VPS33B: variants seen among roughly 807,000 people sequenced by gnomAD.
VPS33B encodes vacuolar protein sorting-associated protein 33B.
In VPS33B, 80 loss-of-function variants were observed where a neutral mutation model predicts 95.3. That is an observed-to-expected ratio of 0.84 (90% CI 0.70 to 1.01). VPS33B has a LOEUF of 1.01. Among genes scored for constraint, VPS33B ranks in the 50% least tolerant of loss-of-function variants. The pLI, the probability that VPS33B is intolerant of heterozygous loss-of-function variation, is 0.00. For missense variants in VPS33B, 715 were observed against 773.4 expected, an observed-to-expected ratio of 0.92 and a Z score of 0.90; for synonymous variants, 280 against 280.4, an observed-to-expected ratio of 1.00 and a Z score of 0.01.
chr15:91,006,784 G>C lies in VPS33B; in HGVS notation c.701-55C>G. Reference sequence around the variant, plus strand: ...TCTCCCTGACCCAGCCTTCTACACAGCATGTCCAAGGGCAGCTTTGATACT... The same window carrying C: ...TCTCCCTGACCCAGCCTTCTACACACCATGTCCAAGGGCAGCTTTGATACT... On this transcript the variant is annotated intron_variant, in intron 9 of 22. Transcript: ENST00000333371. This position sits in a 1 kb window ranked among gnomAD's most constrained non-coding sequence, Gnocchi z 5.4. 6.2e-7 allele frequency: 1 copy of C among 1,605,988 alleles called. No homozygotes were observed.
In VPS33B at chr15:91,000,513, G is replaced by C. The variant is rs781683489; in HGVS notation, c.1558C>G (p.Leu520Val). The part of the protein sequence containing the change: ...AYVFGGAYVP[L>V]SCRIIEQVLE... ...ACCTGCTCAATGATTCGGCAGCTCA[G>C]GGGCACATAAGCACCACCGAAGACG... Residue 520 changes from leucine to valine, a missense_variant, in exon 20 of 23, where the codon CTG becomes GTG. Physicochemically the swap from Leu to Val is conservative, Grantham distance 32. Coordinates refer to ENST00000333371, the MANE Select transcript of VPS33B (RefSeq NM_018668.5). The surrounding 1 kb of genome is among the most constrained non-coding windows in gnomAD (Gnocchi z 4.9). The C allele has an allele frequency of 3.7e-6, 6 of 1,613,420 alleles. No homozygotes were observed. In the South Asian group the frequency reaches 6.6e-5, roughly 18 times the overall value.
intron 17 of VPS33B, 23 bp downstream of exon 17, chr15:91,003,062 A>G (rs766202258): frequency 1.2e-6 from 2 of 1,613,938 alleles, no homozygotes; most frequent in Non-Finnish European, 1.7e-6. Flanking sequence ...AGTTCCCTCA[A>G]GAATACATTC....
Position 91,022,314 on chromosome 15 carries a change from C to T in VPS33B, c.-65G>A. The T allele has an allele frequency of 6.8e-7, 1 of 1,478,910 alleles. No homozygotes were observed. Among genetic ancestry groups the T allele is most frequent in the East Asian group, 2.5e-5 (1 of 40,110 alleles). The allele number at this position is 1,478,910 out of a possible 1,614,324, so 91.6% of individuals were successfully genotyped here. ...TCGTTCTGAGAAGGCCGGCCGCAGC[C>T]CAGGGAAGCGCAAGGGGGGCTATCC... On this transcript the variant is annotated 5_prime_UTR_variant, in exon 1 of 23. Coordinates refer to ENST00000333371, the MANE Select transcript of VPS33B (RefSeq NM_018668.5).
In VPS33B at chr15:90,999,511, G is replaced by A. The variant is rs545816104; in HGVS notation, c.1774+166C>T. On this transcript the variant is annotated intron_variant, in intron 22 of 22. Coordinates refer to ENST00000333371, the MANE Select transcript of VPS33B (RefSeq NM_018668.5). The surrounding 1 kb of genome is among the most constrained non-coding windows in gnomAD (Gnocchi z 5.1). Reference sequence around the variant, plus strand: ...TTTTTGTATTTTTCGTAGAGATGGGGTTTCACCATGTTGGTCAGGCTAGGC... The same window carrying A: ...TTTTTGTATTTTTCGTAGAGATGGGATTTCACCATGTTGGTCAGGCTAGGC... The A allele has an allele frequency of 5.2e-6, 4 of 768,536 alleles. No homozygotes were observed. Among genetic ancestry groups the A allele is most frequent in the Non-Finnish European group, 9.2e-6 (4 of 435,270 alleles). The allele number at this position is 768,536 out of a possible 1,614,324, so 47.6% of individuals were successfully genotyped here.
chr15:91,007,476 C>G lies in VPS33B; in HGVS notation c.596G>C (p.Cys199Ser), dbSNP rs1370151830. 1.2e-6 allele frequency: 2 copies of G among 1,614,186 alleles called. No homozygotes were observed. Among genetic ancestry groups the G allele is most frequent in the Non-Finnish European group, 1.7e-6 (2 of 1,180,018 alleles). Residue 199 changes from cysteine to serine, a missense_variant, in exon 8 of 23, where the codon TGC becomes TCC. By Grantham distance (112) the Cys-to-Ser change is moderately radical (BLOSUM62 -1). Transcript: ENST00000333371. This position sits in a 1 kb window ranked among gnomAD's most constrained non-coding sequence, Gnocchi z 5.3. ...TACTGCTAGTGCTCTTACCTTGGCG[C>G]ACCTGCCAATTCCATAGCAGTTTGG... ...PFPNCYGIGR[C>S]AKMAYELWRN...
chr15:91,003,129 A>T lies in VPS33B; in HGVS notation c.1228T>A (p.Leu410Met). ...MCLLSITENGLIPKDYRSLKT... is the reference protein window; with the variant it reads ...MCLLSITENGMIPKDYRSLKT... ...AGAGATCGGTAATCCTTGGGGATCA[A>T]ACCTAAGAGTGAAGAAAATAAGACA... Residue 410 changes from leucine to methionine, a missense_variant and splice_region_variant, in exon 17 of 23, where the codon TTG becomes ATG. Leu to Met is a conservative substitution (Grantham distance 15). Coordinates refer to ENST00000333371, the MANE Select transcript of VPS33B (RefSeq NM_018668.5). 1.2e-6 allele frequency: 2 copies of T among 1,614,192 alleles called. No homozygotes were observed. Among genetic ancestry groups the T allele is most frequent in the Non-Finnish European group, 1.7e-6 (2 of 1,180,032 alleles).
rs778897874 is a variant in VPS33B at position 91,006,065 on chromosome 15, A to G, written c.853-6T>C. The G allele has an allele frequency of 6.2e-7, 1 of 1,614,150 alleles. No homozygotes were observed. Among genetic ancestry groups the G allele is most frequent in the Admixed American group, 1.7e-5 (1 of 60,026 alleles). ...TTCCGAATCTCATTAAACACCTGTGAGGACAGTAAGACAAGAACAGCTTAC... is the reference window on the plus strand; with the variant it reads ...TTCCGAATCTCATTAAACACCTGTGGGGACAGTAAGACAAGAACAGCTTAC... On this transcript the variant is annotated splice_region_variant and splice_polypyrimidine_tract_variant and intron_variant, in intron 11 of 22. Transcript: ENST00000333371. The surrounding 1 kb of genome is among the most constrained non-coding windows in gnomAD (Gnocchi z 5.4).
chr15:91,000,594 G>A lies in VPS33B; in HGVS notation c.1480-3C>T, dbSNP rs373949995. The A allele has an allele frequency of 5.6e-6, 9 of 1,611,578 alleles. No homozygotes were observed. Among genetic ancestry groups the A allele is most frequent in the African/African-American group, 5.3e-5 (4 of 74,846 alleles). On this transcript the variant is annotated splice_polypyrimidine_tract_variant and splice_region_variant and intron_variant, in intron 19 of 22. Transcript: ENST00000333371. This position sits in a 1 kb window ranked among gnomAD's most constrained non-coding sequence, Gnocchi z 4.9. Reference sequence around the variant, plus strand: ...TACTCGCCGTCCACACGTGGGATCTGTAAGACAAAGGGACTTCATTAGGCA... The same window carrying A: ...TACTCGCCGTCCACACGTGGGATCTATAAGACAAAGGGACTTCATTAGGCA...
chr15:91,017,088 G>A (rs994239380), intron 2 of VPS33B, 64 bp from the exon 3 acceptor site: 19 of 1,476,014 alleles, frequency 1.3e-5, no homozygotes, highest in South Asian at 2.3e-5. Flanking sequence ...AGTGTGACAC[G>A]AAGATAGGGG....
rs904824277 is a variant in VPS33B at position 91,018,042 on chromosome 15, T to A, written c.97-157A>T. ...CCTTATTTATTATCTGTATCCACAG[T>A]TGACACTTCTCTGTATATTTACCTA... On this transcript the variant is annotated intron_variant, in intron 1 of 22. Transcript: ENST00000333371. This position sits in a 1 kb window ranked among gnomAD's most constrained non-coding sequence, Gnocchi z 4.7. The A allele has an allele frequency of 5.6e-6, 4 of 709,278 alleles. No homozygotes were observed. The highest frequency in any genetic ancestry group is 1.0e-5 in the Non-Finnish European group (4 of 395,892). 43.9% of individuals were successfully genotyped at this position (709,278 alleles called of 1,614,324 possible). A position where few individuals can be genotyped will look rare whatever the true frequency, so the allele number is the denominator to read the frequency against.
chr15:91,009,709 G>C lies in VPS33B; in HGVS notation c.403+92C>G. The C allele has an allele frequency of 7.5e-7, 1 of 1,331,934 alleles. No homozygotes were observed. The highest frequency in any genetic ancestry group is 1.1e-6 in the Non-Finnish European group (1 of 951,190). 82.5% of individuals were successfully genotyped at this position (1,331,934 alleles called of 1,614,324 possible). A position where few individuals can be genotyped will look rare whatever the true frequency, so the allele number is the denominator to read the frequency against. On this transcript the variant is annotated intron_variant, in intron 6 of 22. Transcript: ENST00000333371. This position sits in a 1 kb window ranked among gnomAD's most constrained non-coding sequence, Gnocchi z 4.1. Reference sequence around the variant, plus strand: ...AAGACCAGGAAAAGAAGGAGCTGGTGGTGGGGGTGGGGTGGGGGGGTTGGA... The same window carrying C: ...AAGACCAGGAAAAGAAGGAGCTGGTCGTGGGGGTGGGGTGGGGGGGTTGGA...
At position 91,005,192 on chromosome 15, in the gene VPS33B, G is replaced by C. The variant is rs868461590; in HGVS notation, c.1106-73C>G. Reference sequence around the variant, plus strand: ...CTGCCATCTATGCTAACAGGTGTCTGTCTCCCCATCTCTTTCTCCATCCTT... The same window carrying C: ...CTGCCATCTATGCTAACAGGTGTCTCTCTCCCCATCTCTTTCTCCATCCTT... On this transcript the variant is annotated intron_variant, in intron 14 of 22. Coordinates refer to ENST00000333371, the MANE Select transcript of VPS33B (RefSeq NM_018668.5). The surrounding 1 kb of genome is among the most constrained non-coding windows in gnomAD (Gnocchi z 6.4). 1 of 1,613,374 alleles carries C rather than the reference G, an allele frequency of 6.2e-7. No homozygotes were observed. The highest frequency in any genetic ancestry group is 1.3e-5 in the African/African-American group (1 of 75,050).
intron 5 of VPS33B, among the ~76,000 whole-genome samples, chr15:91,012,126 CT>C (rs780373400): frequency 1.3e-3 from 195 of 152,078 alleles, no homozygotes; most frequent in Admixed American, 2.4e-3. Context: ...GCCATGACTC[CT>C]TTAGTAACAT....
rs982718674 is a variant in VPS33B, at chr15:91,015,251, G to A, written c.240-818C>T. ...CGCAGGAGGCTGAGGCAGGAGAATC[G>A]CTTGAACCCAGGAGGTGGAGGTTAC... On this transcript the variant is annotated intron_variant, in intron 3 of 22. Transcript: ENST00000333371. This position sits in a 1 kb window ranked among gnomAD's most constrained non-coding sequence, Gnocchi z 4.7. 7.2e-5 allele frequency among the ~76,000 whole-genome samples: 11 copies of A among 152,012 alleles called. No individual in the cohort carries two copies. Among genetic ancestry groups the A allele is most frequent in the African/African-American group, 2.7e-4 (11 of 41,352 alleles).
In VPS33B at chr15:91,022,272, G is replaced by A. The variant is rs1193048829; in HGVS notation, c.-23C>T. 2 of 1,536,544 alleles carry A rather than the reference G, an allele frequency of 1.3e-6. No homozygotes were observed. ...CATGGCAGCGGTCACCTGCGCCGCG[G>A]GGTGGAAGGACGCCCTTCGTTCTGA... On this transcript the variant is annotated 5_prime_UTR_variant, in exon 1 of 23. Transcript: ENST00000333371.
chr15:91,000,791 A>T lies in VPS33B; in HGVS notation c.1480-200T>A. The T allele has an allele frequency of 1.8e-6, 1 of 549,304 alleles. No individual in the cohort carries two copies. Among genetic ancestry groups the T allele is most frequent in the Non-Finnish European group, 3.3e-6 (1 of 300,106 alleles). 34.0% of individuals were successfully genotyped at this position (549,304 alleles called of 1,614,324 possible). A position where few individuals can be genotyped will look rare whatever the true frequency, so the allele number is the denominator to read the frequency against. On this transcript the variant is annotated intron_variant, in intron 19 of 22. Transcript: ENST00000333371. This position sits in a 1 kb window ranked among gnomAD's most constrained non-coding sequence, Gnocchi z 4.9. ...TGCCAGTTCTCTGGAATGAGTTCCC[A>T]TGCGCCATTATTGAATAATGTAAAG...
chr15:91,000,926 G>T lies in VPS33B; in HGVS notation c.1480-335C>A. 2.6e-6 allele frequency: 1 copy of T among 386,304 alleles called. No homozygotes were observed. Among genetic ancestry groups the T allele is most frequent in the East Asian group, 6.1e-5 (1 of 16,384 alleles). The allele number at this position is 386,304 out of a possible 1,614,324, so 23.9% of individuals were successfully genotyped here. On this transcript the variant is annotated intron_variant, in intron 19 of 22. Coordinates refer to ENST00000333371, the MANE Select transcript of VPS33B (RefSeq NM_018668.5). The surrounding 1 kb of genome is among the most constrained non-coding windows in gnomAD (Gnocchi z 4.9). The stretch of plus-strand genomic sequence containing the variant: ...TGGCATTGGCAGGTGCTTGTTACAT[G>T]TTGATTAAATGAATGAATCTACCAT...
Position 91,015,134 on chromosome 15 carries a change from G to C in VPS33B, c.240-701C>G, listed in dbSNP as rs932068795. 6.6e-6 allele frequency among the ~76,000 whole-genome samples: 1 copy of C among 151,226 alleles called. No individual in the cohort carries two copies. ...GTGGATCACCTGAGGTCAGGAGTTT[G>C]AGACCAGCCCAGCCAACATGGTGAA... is the stretch of plus-strand genomic sequence containing the variant. On this transcript the variant is annotated intron_variant, in intron 3 of 22. Coordinates refer to ENST00000333371, the MANE Select transcript of VPS33B (RefSeq NM_018668.5). The surrounding 1 kb of genome is among the most constrained non-coding windows in gnomAD (Gnocchi z 4.7).
In VPS33B at chr15:90,998,863, G is replaced by T; in HGVS notation, c.*112C>A. On this transcript the variant is annotated 3_prime_UTR_variant, in exon 23 of 23. Transcript: ENST00000333371. The surrounding 1 kb of genome is among the most constrained non-coding windows in gnomAD (Gnocchi z 4.8). ...AAATCCCAACACGTTCCATGCTCCC[G>T]GCTCTTAGCAGGTAGTTGGTGGACA... 1 of 1,111,628 alleles carries T rather than the reference G, an allele frequency of 9.0e-7. No homozygotes were observed. Among genetic ancestry groups the T allele is most frequent in the Non-Finnish European group, 1.4e-6 (1 of 740,684 alleles). The allele number at this position is 1,111,628 out of a possible 1,614,324, so 68.9% of individuals were successfully genotyped here. A position where few individuals can be genotyped will look rare whatever the true frequency, so the allele number is the denominator to read the frequency against.
Sources: gnomAD v4.1 joint callset for allele counts (sites outside exome capture counted in the v4.1 genomes callset) on GRCh38, gnomAD v4.1.1 for gene constraint, Gnocchi (gnomAD v3.1) non-coding constraint, MANE v1.5 for transcripts, NCBI Gene and HGNC (gene_info 2026-07-23, HGNC 2026-07-21) for gene names.